SCRG1: variants seen among roughly 807,000 people sequenced by gnomAD.
SCRG1 encodes stimulator of chondrogenesis 1.
SCRG1 carries 3 observed loss-of-function variants against 7.7 expected under a neutral mutation model. That is an observed-to-expected ratio of 0.39 (90% CI 0.18 to 1.01). The LOEUF is 1.01. Among genes scored for constraint, SCRG1 ranks in the 50% least tolerant of loss-of-function variants. The pLI is 0.36. For synonymous variants in SCRG1, 46 were observed against 41.2 expected (o/e 1.12, Z -0.44); for missense variants, 110 against 117.2 (o/e 0.94, Z 0.28).
At chr4:173,485,182 CATTATATGTAATAT>C in the SCRG1 span, among the ~76,000 whole-genome samples, 1 of 102,422 alleles carries the variant, frequency 9.8e-6, no homozygotes, top group African/African-American at 5.4e-5. Context: ...TTATATATTA[CATTATATGTAATAT>C]ATATGATATA....
the SCRG1 span, among the ~76,000 whole-genome samples, chr4:173,443,943 T>TTGCG: frequency 7.2e-6 from 1 of 138,696 alleles, no homozygotes; most frequent in East Asian, 2.1e-4. Context: ...AGAGCTTGTT[T>TTGCG]TGTGTGTGTG....
the SCRG1 span, among the ~76,000 whole-genome samples, chr4:173,485,067 T>C: frequency 1.9e-4 from 2 of 10,764 alleles, no homozygotes; most frequent in Non-Finnish European, 4.4e-4. Context: ...ATATATTATA[T>C]ATTATATATT....
chr4:173,427,516 G>A, the SCRG1 span, among the ~76,000 whole-genome samples: 2 of 152,222 alleles, frequency 1.3e-5, no homozygotes, highest in African/African-American at 4.8e-5. Flanking sequence ...AGAGTCCAAT[G>A]CGAATGCCGT....
rs1274859472 is a variant in SCRG1 at position 173,386,010 on chromosome 4, A to T, written c.*2331T>A. ...AAGAAAGAAAGGCCAATCAAATCAC[A>T]TGCTATCTTGATAAAACAACTAATA... is the stretch of plus-strand genomic sequence containing the variant. On this transcript the variant is annotated 3_prime_UTR_variant, in exon 3 of 3. Coordinates refer to ENST00000296506, the MANE Select transcript of SCRG1 (RefSeq NM_007281.4). 1 of 152,384 alleles carries T rather than the reference A, an allele frequency of 6.6e-6. No individual in the cohort carries two copies. The highest frequency in any genetic ancestry group is 2.1e-4 in the South Asian group (1 of 4,832). The allele number at this position is 152,384 out of a possible 1,614,324, so 9.4% of individuals were successfully genotyped here.
the SCRG1 span, among the ~76,000 whole-genome samples, chr4:173,446,432 G>C: frequency 6.6e-6 from 1 of 151,956 alleles, no homozygotes; most frequent in African/African-American, 2.4e-5. Flanking sequence ...AATGAAGAAT[G>C]GTCTTGAAAG....
chr4:173,504,422 G>A, the SCRG1 span, among the ~76,000 whole-genome samples: 1 of 152,112 alleles, frequency 6.6e-6, no homozygotes, highest in East Asian at 1.9e-4. This position sits in a 1 kb window ranked among gnomAD's most constrained non-coding sequence, Gnocchi z 4.7. Flanking sequence ...CCCTATCCCA[G>A]CCCCAGTGGG....
At chr4:173,483,738 T>A in the SCRG1 span, among the ~76,000 whole-genome samples, 3 of 40,044 alleles carry the variant, frequency 7.5e-5, no homozygotes, top group African/African-American at 2.9e-4. Flanking sequence ...ATCATATATA[T>A]GATATATTAT....
At chr4:173,394,559 A>G (rs1739544973) in intron 1 of SCRG1, among the ~76,000 whole-genome samples, 1 of 152,100 alleles carries the variant, frequency 6.6e-6, no homozygotes, top group Admixed American at 6.6e-5. Flanking sequence ...CAGGAGAATC[A>G]CTTGAACCCA....
At chr4:173,504,085 T>C in the SCRG1 span, among the ~76,000 whole-genome samples, 106,958 of 152,090 alleles carry the variant, frequency 0.7, 38,680 homozygotes, top group Non-Finnish European at 0.8. The surrounding 1 kb of genome is among the most constrained non-coding windows in gnomAD (Gnocchi z 4.7). Flanking sequence ...ACTCAGTGGA[T>C]GCCTAAGAGG....
At chr4:173,402,794 A>G (rs1226314097), upstream of SCRG1, among the ~76,000 whole-genome samples, 2 of 152,186 alleles carry the variant, frequency 1.3e-5, no homozygotes, top group African/African-American at 4.8e-5. Context: ...CACAGCTCAC[A>G]TCTTCCCAGG....
chr4:173,479,395 TATTAAA>T, the SCRG1 span, among the ~76,000 whole-genome samples: 4 of 152,156 alleles, frequency 2.6e-5, 1 homozygote, highest in African/African-American at 7.2e-5. Flanking sequence ...TATAATTCCT[TATTAAA>T]ATTAAAAGCA....
chr4:173,462,506 T>C, the SCRG1 span, among the ~76,000 whole-genome samples: 4 of 151,976 alleles, frequency 2.6e-5, no homozygotes, highest in African/African-American at 9.7e-5. Context: ...TCCCAGACAA[T>C]AGAAGTTGAG....
Position 173,385,301 on chromosome 4 carries a change from T to G in SCRG1, c.*3040A>C, listed in dbSNP as rs1034503332. 1 of 152,102 alleles carries G rather than the reference T, an allele frequency of 6.6e-6. No individual in the cohort carries two copies. Among genetic ancestry groups the G allele is most frequent in the African/African-American group, 2.4e-5 (1 of 41,426 alleles). 9.4% of individuals were successfully genotyped at this position (152,102 alleles called of 1,614,324 possible). A position where few individuals can be genotyped will look rare whatever the true frequency, so the allele number is the denominator to read the frequency against. On this transcript the variant is annotated 3_prime_UTR_variant, in exon 3 of 3. Transcript: ENST00000296506. ...CTGTCCAACATGGCAAAACCTCATT[T>G]CTACTAAAAAATACAAAAATTAGCT...
chr4:173,460,853 A>ACCAGGC, the SCRG1 span, among the ~76,000 whole-genome samples: 1 of 152,066 alleles, frequency 6.6e-6, no homozygotes, highest in Non-Finnish European at 1.5e-5. Context: ...AAGTGTGATT[A>ACCAGGC]CCAGGCTAGG....
the SCRG1 span, among the ~76,000 whole-genome samples, chr4:173,423,644 T>A: frequency 6.6e-6 from 1 of 152,140 alleles, no homozygotes; most frequent in East Asian, 1.9e-4. Context: ...TTCTCTTTTT[T>A]TGGTCTTTTA....
At chr4:173,422,541 A>T in the SCRG1 span, among the ~76,000 whole-genome samples, 1 of 152,194 alleles carries the variant, frequency 6.6e-6, no homozygotes, top group African/African-American at 2.4e-5. Flanking sequence ...GTTCATTTGA[A>T]TTTCACCTAT....
At chr4:173,482,985 A>G in the SCRG1 span, among the ~76,000 whole-genome samples, 6 of 132,166 alleles carry the variant, frequency 4.5e-5, no homozygotes, top group Non-Finnish European at 9.3e-5. Flanking sequence ...TATATAATAT[A>G]TTATATATTT....
At chr4:173,448,373 T>C in the SCRG1 span, among the ~76,000 whole-genome samples, 1 of 152,338 alleles carries the variant, frequency 6.6e-6, no homozygotes, top group South Asian at 2.1e-4. Context: ...TCCAACCCTA[T>C]GACATGGCTA....
the SCRG1 span, among the ~76,000 whole-genome samples, chr4:173,438,297 T>G: frequency 6.6e-6 from 1 of 151,004 alleles, no homozygotes; most frequent in Admixed American, 6.6e-5. Flanking sequence ...TTTTTTTGTA[T>G]TTTTTTGTAG....
Sources: allele counts gnomAD v4.1 joint callset (sites outside exome capture counted in the v4.1 genomes callset), GRCh38; gene constraint gnomAD v4.1.1; non-coding constraint Gnocchi (gnomAD v3.1); transcripts MANE v1.5; gene names NCBI Gene and HGNC (gene_info 2026-07-23, HGNC 2026-07-21).